GRIN3A: variants seen among roughly 807,000 people sequenced by gnomAD.
GRIN3A encodes the protein glutamate ionotropic receptor NMDA type subunit 3A, also known as glutamate receptor ionotropic, NMDA 3A.
In GRIN3A, 47 loss-of-function variants were observed where a neutral mutation model predicts 92.4. The observed-to-expected ratio is 0.51, with a 90% confidence interval of 0.40 to 0.65. The LOEUF (loss-of-function observed/expected upper bound fraction) is 0.65. Ranked by LOEUF, GRIN3A falls within the 30% of genes least tolerant of loss-of-function variation. The pLI is 0.00. For missense variants in GRIN3A, 1,324 were observed against 1,393.1 expected, an observed-to-expected ratio of 0.95 and a Z score of 0.79; for synonymous variants, 527 against 540.6, an observed-to-expected ratio of 0.97 and a Z score of 0.35.
rs1588234019 is a variant in GRIN3A, at chr9:101,577,712, G to T, written c.3008+56C>A. 2.2e-5 allele frequency: 27 copies of T among 1,204,482 alleles called. No individual in the cohort carries two copies. The East Asian group carries it at 6.1e-4, about 27-fold the overall frequency. 74.6% of individuals were successfully genotyped at this position (1,204,482 alleles called of 1,614,324 possible). A position where few individuals can be genotyped will look rare whatever the true frequency, so the allele number is the denominator to read the frequency against. On this transcript the variant is annotated intron_variant, in intron 8 of 8. Coordinates refer to ENST00000361820, the MANE Select transcript of GRIN3A (RefSeq NM_133445.3). Reference sequence around the variant, plus strand: ...TTTGATCTGAATAATTATACAGTTAGATCTCTAAAGATTATTTTACAAATA... The same window carrying T: ...TTTGATCTGAATAATTATACAGTTATATCTCTAAAGATTATTTTACAAATA...
At chr9:101,649,381 T>C (rs1828981010) in intron 3 of GRIN3A, among the ~76,000 whole-genome samples, 1 of 151,994 alleles carries the variant, frequency 6.6e-6, no homozygotes, top group African/African-American at 2.4e-5. Flanking sequence ...CTGCAAACAG[T>C]GCCCTGCTTT....
At chr9:101,621,732 T>C (rs573547878) in intron 5 of GRIN3A, among the ~76,000 whole-genome samples, 17 of 152,286 alleles carry the variant, frequency 1.1e-4, no homozygotes, top group African/African-American at 3.6e-4. Flanking sequence ...AAACAAGCCA[T>C]CCTACCACTG....
rs200594405 is a variant in GRIN3A, at chr9:101,691,190, T to C, written c.700-3990A>G. ...TCAATAAGGAAATAGAAGCCTTTAC[T>C]GAACACTTATTCAATCATGAAAAAT... On this transcript the variant is annotated intron_variant, in intron 1 of 8. Transcript: ENST00000361820. 1.2e-4 allele frequency among the ~76,000 whole-genome samples: 19 copies of C among 152,320 alleles called. No individual in the cohort carries two copies. In the East Asian group the frequency reaches 3.1e-3, roughly 25 times the overall value.
intron 2 of GRIN3A, among the ~76,000 whole-genome samples, chr9:101,685,537 A>G (rs1829523056): frequency 6.6e-6 from 1 of 152,000 alleles, no homozygotes; most frequent in African/African-American, 2.4e-5. Context: ...TTTTCAGAAG[A>G]AAGTCTAAGC....
intron 3 of GRIN3A, among the ~76,000 whole-genome samples, chr9:101,651,605 T>G (rs1037462605): frequency 2.0e-5 from 3 of 151,294 alleles, no homozygotes; most frequent in Non-Finnish European, 4.4e-5. Flanking sequence ...CTGGTTGATT[T>G]GTTAATCTGA....
chr9:101,643,239 G>A (rs2118904071), intron 3 of GRIN3A, among the ~76,000 whole-genome samples: 1 of 152,154 alleles, frequency 6.6e-6, no homozygotes, highest in East Asian at 1.9e-4. Flanking sequence ...ATGTGCTAAG[G>A]ATCTTGAATA....
chr9:101,640,426 G>A (rs189245914), intron 3 of GRIN3A, among the ~76,000 whole-genome samples: 1 of 152,284 alleles, frequency 6.6e-6, no homozygotes, highest in Non-Finnish European at 1.5e-5. Context: ...AAAACACATG[G>A]AATGATTTGT....
intron 2 of GRIN3A, among the ~76,000 whole-genome samples, chr9:101,685,158 G>A (rs1425428393): frequency 2.6e-5 from 4 of 152,050 alleles, no homozygotes; most frequent in Admixed American, 2.6e-4. Context: ...TCTTTAAGGA[G>A]TTTACAGGTT....
In GRIN3A at chr9:101,573,092, G is replaced by A. The variant is rs906032726; in HGVS notation, c.*82C>T. Reference sequence around the variant, plus strand: ...ACCTCAGCTTCCCCACACCTTTGTCGATAGTTACAAAAGAGCATTACAAAG... The same window carrying A: ...ACCTCAGCTTCCCCACACCTTTGTCAATAGTTACAAAAGAGCATTACAAAG... On this transcript the variant is annotated 3_prime_UTR_variant, in exon 9 of 9. Coordinates refer to ENST00000361820, the MANE Select transcript of GRIN3A (RefSeq NM_133445.3). 62 of 1,213,144 alleles carry A rather than the reference G, an allele frequency of 5.1e-5. No homozygotes were observed. The highest frequency in any genetic ancestry group is 4.6e-4 in the Admixed American group (27 of 59,282). The allele number at this position is 1,213,144 out of a possible 1,614,324, so 75.1% of individuals were successfully genotyped here. A position where few individuals can be genotyped will look rare whatever the true frequency, so the allele number is the denominator to read the frequency against.
chr9:101,703,901 T>G (rs1169152243), intron 1 of GRIN3A, among the ~76,000 whole-genome samples: 1 of 152,220 alleles, frequency 6.6e-6, no homozygotes, highest in Non-Finnish European at 1.5e-5. Context: ...CCTCCACTAC[T>G]GTCTCTTCAT....
chr9:101,680,872 A>G (rs774588376), intron 2 of GRIN3A, among the ~76,000 whole-genome samples: 4 of 152,246 alleles, frequency 2.6e-5, no homozygotes, highest in Non-Finnish European at 5.9e-5. Context: ...GAACTGCAGA[A>G]GCTGTTCAAA....
Position 101,579,347 on chromosome 9 carries a change from C to A in GRIN3A, c.2780G>T (p.Gly927Val), listed in dbSNP as rs1827862740. ...SFAVTETLQM[G>V]IKHFSGLFVL... The stretch of plus-strand genomic sequence containing the variant: ...AAAGAGCCCAGAGAAGTGTTTGATG[C>A]CCATTTGCAAAGTCTGTGACAGAAT... Residue 927 changes from glycine to valine, a missense_variant, in exon 7 of 9, where the codon GGC becomes GTC. Gly to Val is a moderately radical substitution (Grantham distance 109, BLOSUM62 -3). Transcript: ENST00000361820. 1 of 1,613,838 alleles carries A rather than the reference C, an allele frequency of 6.2e-7. No homozygotes were observed. The highest frequency in any genetic ancestry group is 8.5e-7 in the Non-Finnish European group (1 of 1,179,850).
chr9:101,696,982 T>C (rs749865698), intron 1 of GRIN3A, among the ~76,000 whole-genome samples: 6 of 152,330 alleles, frequency 3.9e-5, no homozygotes, highest in East Asian at 3.9e-4. Flanking sequence ...CTAATTGTGA[T>C]GTAATATGCC....
chr9:101,590,270 G>A lies in GRIN3A; in HGVS notation c.2767-10910C>T, dbSNP rs377299551. On this transcript the variant is annotated intron_variant, in intron 6 of 8. Transcript: ENST00000361820. ...AGTCATTGGCTACTGGGGTAGGTAC[G>A]GTAGTTGACACGGCAGCAGAGAAGT... Among the ~76,000 whole-genome samples, 13 of 152,264 alleles carry A rather than the reference G, an allele frequency of 8.5e-5. 1 individual carries two copies. The highest frequency in any genetic ancestry group is 2.4e-4 in the African/African-American group (10 of 41,558).
intron 3 of GRIN3A, among the ~76,000 whole-genome samples, chr9:101,643,572 T>G (rs1171183693): frequency 1.3e-5 from 2 of 151,980 alleles, no homozygotes; most frequent in Non-Finnish European, 2.9e-5. Flanking sequence ...GGAACTGAAA[T>G]CAGTAACTTG....
chr9:101,598,393 T>A (rs185924733), intron 6 of GRIN3A, among the ~76,000 whole-genome samples: 1 of 152,296 alleles, frequency 6.6e-6, no homozygotes, highest in Non-Finnish European at 1.5e-5. Flanking sequence ...TGAATTATTA[T>A]CCCAATTGAA....
At chr9:101,703,489 A>G (rs1829778096) in intron 1 of GRIN3A, among the ~76,000 whole-genome samples, 1 of 152,204 alleles carries the variant, frequency 6.6e-6, no homozygotes, top group African/African-American at 2.4e-5. Context: ...ACACTATTTT[A>G]TCTTCCTCAG....
intron 4 of GRIN3A, among the ~76,000 whole-genome samples, chr9:101,624,369 C>A (rs901606097): frequency 2.3e-4 from 31 of 137,708 alleles, no homozygotes; most frequent in African/African-American, 8.3e-4. Context: ...TGCTATCCTT[C>A]CCCCCTCCCC....
In GRIN3A at chr9:101,687,068, C is replaced by T. The variant is rs746403087; in HGVS notation, c.832G>A (p.Asp278Asn). The change falls in exon 2 of 9, where the codon GAC (aspartate) becomes AAC (asparagine). Residue 278 changes from aspartate to asparagine, a missense_variant. Asp to Asn is a conservative substitution (Grantham distance 23). Transcript: ENST00000361820. ...LLCQEDWNIT[D>N]FLLLTQNNSK... ...TTATTCTGGGTAAGGAGGAGGAAGT[C>T]GGTGATGTTCCAGTCTTCCTGGCAC... is the stretch of plus-strand genomic sequence containing the variant. 2.7e-5 allele frequency: 43 copies of T among 1,613,982 alleles called. No homozygotes were observed. The highest frequency in any genetic ancestry group is 6.7e-5 in the Admixed American group (4 of 59,982).
Sources: gnomAD v4.1 joint callset for allele counts (sites outside exome capture counted in the v4.1 genomes callset) on GRCh38, gnomAD v4.1.1 for gene constraint, MANE v1.5 for transcripts, NCBI Gene and HGNC (gene_info 2026-07-23, HGNC 2026-07-21) for gene names.